GREB1: variants seen among roughly 807,000 people sequenced by gnomAD.
GREB1 encodes the protein growth regulating estrogen receptor binding 1, also known as protein GREB1.
In GREB1, 106 loss-of-function variants were observed where a neutral mutation model predicts 200.7. The observed-to-expected ratio is 0.53, with a 90% CI of 0.45 to 0.62. The LOEUF (loss-of-function observed/expected upper bound fraction) is 0.62, where lower values mean the gene tolerates loss of function less well. Among genes scored for constraint, GREB1 ranks in the 20% least tolerant of loss-of-function variants. GREB1 has a pLI of 0.00. For synonymous variants in GREB1, 1,132 were observed against 1,092.4 expected (o/e 1.04, Z -0.72); for missense variants, 2,243 against 2,556.8 (o/e 0.88, Z 2.65).
chr2:11,635,526 C>T (rs1236901693), intron 30 of GREB1, 121 bp downstream of exon 30: 16 of 1,150,134 alleles, frequency 1.4e-5, no homozygotes, highest in Non-Finnish European at 1.8e-5. Context: ...GGGCAGGGCC[C>T]TACTGGGTGG....
At chr2:11,623,970 CAAGA>C (rs143179632) in intron 23 of GREB1, among the ~76,000 whole-genome samples, 7,548 of 152,066 alleles carry the variant, frequency 0.05, 611 homozygotes, top group African/African-American at 0.17. Flanking sequence ...ATAAGGATAT[CAAGA>C]AAGAAGACAT....
chr2:11,598,234 C>T (rs111348066), intron 14 of GREB1, among the ~76,000 whole-genome samples: 3,070 of 152,304 alleles, frequency 0.02, 112 homozygotes, highest in African/African-American at 0.069. Context: ...TGCTATCTAG[C>T]GTCACTGATA....
At chr2:11,504,135 A>G (rs1297231226) in intron 1 of GREB1, among the ~76,000 whole-genome samples, 2 of 152,180 alleles carry the variant, frequency 1.3e-5, no homozygotes, top group Non-Finnish European at 2.9e-5. Context: ...ATCTGCTGAT[A>G]TGAGAACTGA....
chr2:11,490,946 G>C (rs1672763245), intron 1 of GREB1, among the ~76,000 whole-genome samples: 1 of 152,196 alleles, frequency 6.6e-6, no homozygotes, highest in African/African-American at 2.4e-5. Flanking sequence ...GAACTGCCAA[G>C]CTGATTTCCA....
Position 11,580,767 on chromosome 2 carries a change from A to C in GREB1, c.836A>C (p.Asp279Ala), listed in dbSNP as rs1020420883. Residue 279 changes from aspartate (D) to alanine (A), a missense_variant, in exon 7 of 33, where the codon GAT (aspartate) becomes GCT (alanine). Physicochemically the swap from Asp to Ala is moderately radical, Grantham distance 126. This residue lies in a region of GREB1 where 1,178 missense variants were observed against 1,387.4 expected (regional missense o/e 0.85). Coordinates refer to ENST00000381486, the MANE Select transcript of GREB1 (RefSeq NM_014668.4). The surrounding 1 kb of genome is among the most constrained non-coding windows in gnomAD (Gnocchi z 4.5). The stretch of plus-strand genomic sequence containing the variant: ...GGTCCGGCTGTTTTCAACGGCAAAG[A>C]TTCCCCGAAGTGCCAACAACTGGCA... The part of the protein sequence containing the change: ...AMGPAVFNGK[D>A]SPKCQQLAKN... 6.2e-7 allele frequency: 1 copy of C among 1,614,206 alleles called. No homozygotes were observed. Among genetic ancestry groups the C allele is most frequent in the African/African-American group, 1.3e-5 (1 of 75,058 alleles).
At chr2:11,504,975 A>G (rs2148435839) in intron 1 of GREB1, among the ~76,000 whole-genome samples, 1 of 152,284 alleles carries the variant, frequency 6.6e-6, no homozygotes, top group South Asian at 2.1e-4. Context: ...CTCTGTTGCC[A>G]GGCTGGAGTG....
intron 24 of GREB1, 94 bp from the exon 25 acceptor site, chr2:11,626,868 G>T: frequency 7.7e-7 from 1 of 1,296,590 alleles, no homozygotes; most frequent in Non-Finnish European, 1.1e-6. Context: ...CTGTTGTCTG[G>T]TCATTTGAGC....
intron 1 of GREB1, among the ~76,000 whole-genome samples, chr2:11,541,678 G>C (rs556775838): frequency 2.0e-5 from 3 of 152,136 alleles, no homozygotes; most frequent in African/African-American, 7.2e-5. Flanking sequence ...TTAGGAAGCC[G>C]CAGGAATCTC....
At chr2:11,515,012 C>G (rs1673448312) in intron 1 of GREB1, among the ~76,000 whole-genome samples, 1 of 151,398 alleles carries the variant, frequency 6.6e-6, no homozygotes, top group Non-Finnish European at 1.5e-5. Context: ...CCTCTCATCT[C>G]TTCCCCCACC....
At chr2:11,509,749 G>A (rs1347596135) in intron 1 of GREB1, among the ~76,000 whole-genome samples, 3 of 152,176 alleles carry the variant, frequency 2.0e-5, no homozygotes, top group Non-Finnish European at 4.4e-5. Context: ...CACCATGTGA[G>A]GATGCAGTGA....
intron 1 of GREB1, among the ~76,000 whole-genome samples, chr2:11,508,873 C>CTCTTTTTTTTTTTTTT (rs1553341299): frequency 7.2e-6 from 1 of 139,576 alleles, no homozygotes; most frequent in African/African-American, 2.7e-5. Flanking sequence ...TTCTTTCTCT[C>CTCTTTTTTTTTTTTTT]TTTTTTTTTT....
rs1196308259 is a variant in GREB1 at position 11,562,522 on chromosome 2, A to G, written c.217A>G (p.Asn73Asp). ...AGAGGGAGAAGGAGGGCTGGAAACA[A>G]ATGGCCCCCCAAACCCTTTCCAGCT... ...EEEGEGGLET[N>D]GPPNPFQLHP... The change falls in exon 3 of 33, where the codon AAT (asparagine) becomes GAT (aspartate). Residue 73 changes from asparagine (N) to aspartate (D), a missense_variant. By Grantham distance (23) the Asn-to-Asp change is conservative. This residue lies in a region of GREB1 where 1,178 missense variants were observed against 1,387.4 expected (regional missense o/e 0.85). Transcript: ENST00000381486. 6.2e-7 allele frequency: 1 copy of G among 1,606,712 alleles called. No homozygotes were observed. Among genetic ancestry groups the G allele is most frequent in the South Asian group, 1.1e-5 (1 of 90,470 alleles).
chr2:11,547,100 G>A (rs1440170398), intron 1 of GREB1, among the ~76,000 whole-genome samples: 2 of 151,954 alleles, frequency 1.3e-5, no homozygotes, highest in South Asian at 2.1e-4. Context: ...GTGCCACCAC[G>A]CCCAGCTATG....
At chr2:11,589,046 G>A (rs1410500075) in intron 10 of GREB1, 115 bp downstream of exon 10, 1 of 765,028 alleles carries the variant, frequency 1.3e-6, no homozygotes, top group East Asian at 2.6e-5. Flanking sequence ...AATACATGGG[G>A]AGAGCTTATG....
In GREB1 at chr2:11,630,087, G is replaced by A. The variant is rs1684765756; in HGVS notation, c.4589G>A (p.Arg1530Gln). ...CCTGGAGGCCAGCTGGAGAGCATGC[G>A]ACTACCCCTCGTGACAGACAAGGTA... ...SQPGGQLESM[R>Q]LPLVTDKSHE... is the part of the protein sequence containing the mutation. Residue 1530 changes from arginine (R) to glutamine (Q), a missense_variant, in exon 26 of 33, where the codon CGA becomes CAA. Around this residue, in one of 3 missense-constraint regions of GREB1, gnomAD observed 478 missense variants for 616.3 expected, o/e 0.78. Transcript: ENST00000381486. The A allele has an allele frequency of 1.2e-6, 2 of 1,614,186 alleles. No homozygotes were observed. The highest frequency in any genetic ancestry group is 1.7e-6 in the Non-Finnish European group (2 of 1,180,036).
At chr2:11,585,345 T>C in intron 8 of GREB1, 71 bp downstream of exon 8, 1 of 928,932 alleles carries the variant, frequency 1.1e-6, no homozygotes, top group South Asian at 1.7e-5. Context: ...CAGTTGTGTG[T>C]ATGTGTGCGT....
In GREB1 at chr2:11,598,818, T is replaced by C; in HGVS notation, c.2291T>C (p.Leu764Pro). Residue 764 changes from leucine (L) to proline (P), a missense_variant, in exon 15 of 33, where the codon CTT (leucine) becomes CCT (proline). Coordinates refer to ENST00000381486, the MANE Select transcript of GREB1 (RefSeq NM_014668.4). ...AACTCCTTCCAGAACCCGCATACAC[T>C]TTTTGTCCTAATCCATGACCATGCG... ...LQNSFQNPHTLFVLIHDHAHW... is the reference protein window; with the variant it reads ...LQNSFQNPHTPFVLIHDHAHW... 1 of 1,614,168 alleles carries C rather than the reference T, an allele frequency of 6.2e-7. No individual in the cohort carries two copies. The highest frequency in any genetic ancestry group is 2.2e-5 in the East Asian group (1 of 44,886).
chr2:11,491,703 T>C (rs888498654), intron 1 of GREB1, among the ~76,000 whole-genome samples: 1 of 152,218 alleles, frequency 6.6e-6, no homozygotes, highest in Admixed American at 6.5e-5. Flanking sequence ...ATGTAGTAGG[T>C]CTTAAGTAAA....
chr2:11,537,004 C>T (rs946372324), intron 1 of GREB1, among the ~76,000 whole-genome samples: 2 of 151,954 alleles, frequency 1.3e-5, no homozygotes, highest in Non-Finnish European at 2.9e-5. Flanking sequence ...CTCTTGTCGC[C>T]CAGGCTGGAG....
Sources: gnomAD v4.1 joint callset for allele counts (sites outside exome capture counted in the v4.1 genomes callset) on GRCh38, gnomAD v4.1.1 for gene constraint, gnomAD v4.1.1 regional missense constraint, Gnocchi (gnomAD v3.1) non-coding constraint, MANE v1.5 for transcripts, NCBI Gene and HGNC (gene_info 2026-07-23, HGNC 2026-07-21) for gene names.